ENTPD1: variants seen among roughly 807,000 people sequenced by gnomAD.
ENTPD1 encodes ectonucleoside triphosphate diphosphohydrolase 1, also known as ATP diphosphohydrolase.
In ENTPD1, 33 loss-of-function variants were observed where a neutral mutation model predicts 57.0. That is an observed-to-expected ratio of 0.58 (90% CI 0.44 to 0.77). ENTPD1 has a LOEUF of 0.77. Ranked by LOEUF, ENTPD1 falls within the 30% of genes least tolerant of loss-of-function variation. The pLI is 0.00. For synonymous variants in ENTPD1, 202 were observed against 218.8 expected (o/e 0.92, Z 0.68); for missense variants, 501 against 603.4 (o/e 0.83, Z 1.78).
intron 7 of ENTPD1, among the ~76,000 whole-genome samples, chr10:95,851,437 T>A (rs1446213070): frequency 2.0e-5 from 3 of 152,122 alleles, no homozygotes; most frequent in Non-Finnish European, 2.9e-5. Context: ...TGATCTTTTT[T>A]TTTTAATTAT....
chr10:95,709,688 G>A (rs544600345), upstream of ENTPD1, among the ~76,000 whole-genome samples: 86 of 152,094 alleles, frequency 5.7e-4, no homozygotes, highest in African/African-American at 1.9e-3. Flanking sequence ...TGGGCCTCTT[G>A]TCTTTTCATA....
chr10:95,786,613 G>A (rs2098181029), intron 1 of ENTPD1, among the ~76,000 whole-genome samples: 1 of 152,154 alleles, frequency 6.6e-6, no homozygotes, highest in Non-Finnish European at 1.5e-5. Flanking sequence ...CTGGCTCCCT[G>A]TGCCCACTGT....
intron 2 of ENTPD1, among the ~76,000 whole-genome samples, chr10:95,824,124 G>C (rs2098364698): frequency 6.6e-6 from 1 of 152,102 alleles, no homozygotes; most frequent in Non-Finnish European, 1.5e-5. Flanking sequence ...TAATTAAAAA[G>C]CATGTGGTAA....
intron 1 of ENTPD1, among the ~76,000 whole-genome samples, chr10:95,771,334 C>G (rs2098115268): frequency 6.6e-6 from 1 of 152,154 alleles, no homozygotes; most frequent in African/African-American, 2.4e-5. Flanking sequence ...ATTATAACTT[C>G]TGTGGATTAA....
chr10:95,844,340 G>T, intron 4 of ENTPD1, 136 bp from the exon 5 acceptor site: 3 of 1,231,094 alleles, frequency 2.4e-6, no homozygotes, highest in Non-Finnish European at 3.5e-6. Flanking sequence ...TATGTGCGAA[G>T]ATCCCCATCT....
intron 2 of ENTPD1, among the ~76,000 whole-genome samples, chr10:95,829,949 A>G (rs554276451): frequency 1.3e-5 from 2 of 152,186 alleles, no homozygotes; most frequent in East Asian, 3.9e-4. Flanking sequence ...ATTAAAAGCT[A>G]GTTTGGCTCT....
intron 1 of ENTPD1, among the ~76,000 whole-genome samples, chr10:95,775,391 C>A (rs2098130254): frequency 6.6e-6 from 1 of 152,148 alleles, no homozygotes; most frequent in African/African-American, 2.4e-5. Context: ...AGAGAGAGGG[C>A]ATCTCTGTCT....
intron 1 of ENTPD1, among the ~76,000 whole-genome samples, chr10:95,783,563 C>G (rs986849362): frequency 2.6e-5 from 4 of 152,180 alleles, no homozygotes; most frequent in Non-Finnish European, 5.9e-5. Flanking sequence ...TTCTAATTCT[C>G]TTTTCCCAAC....
chr10:95,808,448 G>C (rs2098282025), intron 1 of ENTPD1, among the ~76,000 whole-genome samples: 1 of 152,176 alleles, frequency 6.6e-6, no homozygotes, highest in Admixed American at 6.5e-5. Flanking sequence ...GAATGAGTTA[G>C]GGTGAAGTCC....
At chr10:95,728,083 G>T (rs2097985500) in intron 1 of ENTPD1, among the ~76,000 whole-genome samples, 2 of 152,166 alleles carry the variant, frequency 1.3e-5, no homozygotes, top group Admixed American at 6.5e-5. Flanking sequence ...GCTTATTTAG[G>T]CTATCTAACT....
In ENTPD1 at chr10:95,866,164, C is replaced by G. The variant is rs757341116; in HGVS notation, c.1327-13C>G. 6.2e-6 allele frequency: 10 copies of G among 1,610,958 alleles called. No homozygotes were observed. The highest frequency in any genetic ancestry group is 5.5e-5 in the South Asian group (5 of 90,544). On this transcript the variant is annotated splice_polypyrimidine_tract_variant and intron_variant, in intron 9 of 9. Transcript: ENST00000371205. ...TCCTCCAACCACAAACAGACTTTCC[C>G]CACTGTTTGCAGATCCAGGGCAGCG... is the stretch of plus-strand genomic sequence containing the variant.
chr10:95,719,767 A>C (rs770209067), intron 1 of ENTPD1, among the ~76,000 whole-genome samples: 12 of 152,246 alleles, frequency 7.9e-5, no homozygotes, highest in Admixed American at 2.6e-4. Flanking sequence ...GTCTTGGGCT[A>C]ATGCTTGGCC....
Position 95,868,809 on chromosome 10 carries a change from A to T in ENTPD1, c.*2426A>T, listed in dbSNP as rs2098477165. On this transcript the variant is annotated 3_prime_UTR_variant, in exon 10 of 10. Transcript: ENST00000371205. Reference sequence around the variant, plus strand: ...CTTCAGAGAACACAAATCTTTTCTTATTCCATTCCTGTTTGGTTGCCTACG... The same window carrying T: ...CTTCAGAGAACACAAATCTTTTCTTTTTCCATTCCTGTTTGGTTGCCTACG... 1 of 985,190 alleles carries T rather than the reference A, an allele frequency of 1.0e-6. No homozygotes were observed. Among genetic ancestry groups the T allele is most frequent in the Non-Finnish European group, 1.2e-6 (1 of 829,920 alleles). 61.0% of individuals were successfully genotyped at this position (985,190 alleles called of 1,614,324 possible). A position where few individuals can be genotyped will look rare whatever the true frequency, so the allele number is the denominator to read the frequency against.
At chr10:95,778,263 A>C (rs2098142192) in intron 1 of ENTPD1, among the ~76,000 whole-genome samples, 1 of 152,172 alleles carries the variant, frequency 6.6e-6, no homozygotes, top group African/African-American at 2.4e-5. Context: ...AGCTGTTCCC[A>C]TTCAGCCATC....
intron 3 of ENTPD1, among the ~76,000 whole-genome samples, chr10:95,841,439 T>C (rs1162530729): frequency 1.3e-5 from 2 of 152,264 alleles, no homozygotes; most frequent in Non-Finnish European, 2.9e-5. Context: ...CCATGAGCGT[T>C]TGGCCTAACA....
chr10:95,799,226 G>C (rs1202434115), intron 1 of ENTPD1, among the ~76,000 whole-genome samples: 1 of 152,096 alleles, frequency 6.6e-6, no homozygotes, highest in Non-Finnish European at 1.5e-5. Context: ...TTATTGTACA[G>C]ATTATTTCAT....
chr10:95,694,394 AAC>A, the ENTPD1 span, among the ~76,000 whole-genome samples: 1 of 150,808 alleles, frequency 6.6e-6, no homozygotes, highest in Non-Finnish European at 1.5e-5. Context: ...TACCTTAAAA[AAC>A]AGTCTCCTCT....
chr10:95,868,527 C>G lies in ENTPD1; in HGVS notation c.*2144C>G, dbSNP rs1469243915. 1 of 985,258 alleles carries G rather than the reference C, an allele frequency of 1.0e-6. No homozygotes were observed. Among genetic ancestry groups the G allele is most frequent in the East Asian group, 1.1e-4 (1 of 8,828 alleles). The allele number at this position is 985,258 out of a possible 1,614,324, so 61.0% of individuals were successfully genotyped here. A position where few individuals can be genotyped will look rare whatever the true frequency, so the allele number is the denominator to read the frequency against. On this transcript the variant is annotated 3_prime_UTR_variant, in exon 10 of 10. Transcript: ENST00000371205. ...GGCCGATGATGATGAAAATAAAGGT[C>G]AAATAAGTTGAGCCAATAACAGCCG...
intron 1 of ENTPD1, among the ~76,000 whole-genome samples, chr10:95,777,798 C>T (rs556200367): frequency 8.5e-5 from 13 of 152,358 alleles, no homozygotes; most frequent in South Asian, 4.1e-4. Context: ...TGCTGAGCTG[C>T]GGTGGGCTCT....
Sources: allele counts gnomAD v4.1 joint callset (sites outside exome capture counted in the v4.1 genomes callset), GRCh38; gene constraint gnomAD v4.1.1; transcripts MANE v1.5; gene names NCBI Gene and HGNC (gene_info 2026-07-23, HGNC 2026-07-21).